The following CRPPA variants were observed in gnomAD, a reference collection of about 807,000 sequenced individuals.
CRPPA encodes the protein D-ribitol-5-phosphate cytidylyltransferase.
CRPPA carries 43 observed loss-of-function variants against 52.0 expected under a neutral mutation model. The ratio of observed to expected loss-of-function variants is 0.83; its 90% CI spans 0.65 to 1.07. CRPPA has a LOEUF of 1.07. CRPPA is among the 50% of genes least tolerant of loss of function. The pLI, the probability that CRPPA is intolerant of heterozygous loss-of-function variation, is 0.00. For missense variants in CRPPA, 629 were observed against 551.7 expected (o/e 1.14, Z -1.40); for synonymous variants, 250 against 203.5 (o/e 1.23, Z -1.94).
intron 5 of CRPPA, among the ~76,000 whole-genome samples, chr7:16,292,743 A>G (rs1001917727): frequency 1.3e-5 from 2 of 151,966 alleles, no homozygotes; most frequent in Non-Finnish European, 2.9e-5. Flanking sequence ...TGGTTTCATA[A>G]ATGTTCAATT....
intron 9 of CRPPA, among the ~76,000 whole-genome samples, chr7:16,158,516 G>A (rs1355844954): frequency 6.6e-6 from 1 of 151,874 alleles, no homozygotes; most frequent in African/African-American, 2.4e-5. Context: ...CTACCCACTG[G>A]ACTTTTACAC....
chr7:16,105,891 C>G (rs112368216), intron 9 of CRPPA, among the ~76,000 whole-genome samples: 36 of 152,228 alleles, frequency 2.4e-4, no homozygotes, highest in African/African-American at 8.2e-4. Context: ...CCCAATGACC[C>G]CATTCAGGAA....
chr7:16,260,630 C>G (rs1783769859), intron 6 of CRPPA, among the ~76,000 whole-genome samples: 2 of 151,920 alleles, frequency 1.3e-5, no homozygotes, highest in South Asian at 4.1e-4. Flanking sequence ...AGTCTCACAT[C>G]CTGCCAAGTT....
intron 9 of CRPPA, among the ~76,000 whole-genome samples, chr7:16,116,338 A>G (rs1782369903): frequency 1.3e-5 from 2 of 152,176 alleles, no homozygotes; most frequent in South Asian, 2.1e-4. Context: ...ACAAATCAGT[A>G]TTTGCCAAAA....
intron 9 of CRPPA, among the ~76,000 whole-genome samples, chr7:16,144,025 A>T (rs1027837954): frequency 2.6e-5 from 4 of 152,188 alleles, no homozygotes; most frequent in Admixed American, 2.6e-4. Context: ...CAAAGTGCCT[A>T]TGTAAAGCTT....
chr7:16,301,407 A>C lies in CRPPA; in HGVS notation c.835+14T>G. 6.2e-7 allele frequency: 1 copy of C among 1,608,666 alleles called. No homozygotes were observed. Among genetic ancestry groups the C allele is most frequent in the Non-Finnish European group, 8.5e-7 (1 of 1,175,842 alleles). On this transcript the variant is annotated intron_variant, in intron 5 of 9. Transcript: ENST00000407010. The stretch of plus-strand genomic sequence containing the variant: ...TTGAAACACAGGAACTGACAGTCAT[A>C]AGGCCAAACATACCCTTAATAATCG...
intron 9 of CRPPA, among the ~76,000 whole-genome samples, chr7:16,131,266 C>T (rs1306176826): frequency 6.6e-6 from 1 of 152,044 alleles, no homozygotes; most frequent in South Asian, 2.1e-4. Flanking sequence ...ATGAACAGAC[C>T]ATTAGAGGCA....
chr7:16,400,592 C>T (rs886241784), intron 2 of CRPPA, among the ~76,000 whole-genome samples: 8 of 152,252 alleles, frequency 5.3e-5, no homozygotes, highest in African/African-American at 1.4e-4. Context: ...ACAATTGACA[C>T]GATTGGCATG....
chr7:16,233,629 G>A (rs1782866772), intron 8 of CRPPA, among the ~76,000 whole-genome samples: 1 of 152,140 alleles, frequency 6.6e-6, no homozygotes, highest in Non-Finnish European at 1.5e-5. Flanking sequence ...GTACAATGAT[G>A]TATACCATCT....
At chr7:16,192,971 T>G (rs1339186791) in intron 9 of CRPPA, among the ~76,000 whole-genome samples, 1 of 152,172 alleles carries the variant, frequency 6.6e-6, no homozygotes, top group East Asian at 1.9e-4. Context: ...TACAAGTCTT[T>G]AAATCAGTTG....
Position 16,214,580 on chromosome 7 carries a change from C to A in CRPPA, c.1251+1486G>T, listed in dbSNP as rs184804513. 4.1e-4 allele frequency among the ~76,000 whole-genome samples: 63 copies of A among 152,166 alleles called. 1 individual carries two copies. The East Asian group carries it at 0.012, about 29-fold the overall frequency. On this transcript the variant is annotated intron_variant, in intron 9 of 9. Transcript: ENST00000407010. ...GGGCGGCAACCTCTGCTCACTGCAA[C>A]CTCCGCCTCCGCCTCCCAGATTCAA... is the stretch of plus-strand genomic sequence containing the variant.
chr7:16,402,598 CAGAA>C (rs1052099404), intron 2 of CRPPA, among the ~76,000 whole-genome samples: 2 of 151,534 alleles, frequency 1.3e-5, no homozygotes, highest in African/African-American at 4.8e-5. Flanking sequence ...AGATAAAAAA[CAGAA>C]AGGAGATTAA....
intron 6 of CRPPA, chr7:16,269,745 C>T (rs1784047722): frequency 6.6e-6 from 1 of 152,098 alleles, no homozygotes; most frequent in Non-Finnish European, 1.5e-5. Flanking sequence ...TTAGCTAAAG[C>T]TACTAGAACA....
chr7:16,283,074 T>G (rs898160543), intron 5 of CRPPA, among the ~76,000 whole-genome samples: 1 of 151,948 alleles, frequency 6.6e-6, no homozygotes, highest in African/African-American at 2.4e-5. Context: ...TGTCCAAAAG[T>G]GATTCTGATG....
chr7:16,349,896 C>G (rs1169642736), intron 3 of CRPPA, among the ~76,000 whole-genome samples: 2 of 151,884 alleles, frequency 1.3e-5, no homozygotes, highest in East Asian at 3.9e-4. Context: ...AAATCCAGAT[C>G]TAGGAAATCC....
chr7:16,233,280 AT>A (rs1457800473), intron 8 of CRPPA, among the ~76,000 whole-genome samples: 3 of 152,148 alleles, frequency 2.0e-5, no homozygotes, highest in Admixed American at 1.3e-4. Flanking sequence ...TGAATAATTA[AT>A]GCTGAAGACA....
At chr7:16,262,402 A>T (rs576850662) in intron 6 of CRPPA, among the ~76,000 whole-genome samples, 1 of 152,192 alleles carries the variant, frequency 6.6e-6, no homozygotes, top group Admixed American at 6.5e-5. Context: ...CTTTCATAAT[A>T]ATTTTGTTTC....
chr7:16,308,552 GTTTGGC>G lies in CRPPA; in HGVS notation c.754_759del (p.Ala252_Lys253del), dbSNP rs1370140363. ...CAGAGGTCAGGTGATCCTTCTACAA[GTTTGGC>G]TTTAGTGCAACAGTATTTTAGGGCC... On this transcript the variant is annotated inframe_deletion, in exon 4 of 10. Coordinates refer to ENST00000407010, the MANE Select transcript of CRPPA (RefSeq NM_001101426.4). 6.2e-7 allele frequency: 1 copy of G among 1,608,974 alleles called. No individual in the cohort carries two copies. Among genetic ancestry groups the G allele is most frequent in the African/African-American group, 1.3e-5 (1 of 74,836 alleles).
chr7:16,371,547 A>C lies in CRPPA; in HGVS notation c.684+4545T>G, dbSNP rs182179988. ...GGGGAAAAAAATAAATTAAAAAAAA[A>C]CCCACAGTCCAATCAAAAAATAAAT... On this transcript the variant is annotated intron_variant, in intron 3 of 9. Coordinates refer to ENST00000407010, the MANE Select transcript of CRPPA (RefSeq NM_001101426.4). Among the ~76,000 whole-genome samples, 321 of 152,222 alleles carry C rather than the reference A, an allele frequency of 2.1e-3. 2 individuals are homozygous for C. The highest frequency in any genetic ancestry group is 7.2e-3 in the African/African-American group (298 of 41,532).
Sources: gnomAD v4.1 joint callset for allele counts (sites outside exome capture counted in the v4.1 genomes callset) on GRCh38, gnomAD v4.1.1 for gene constraint, MANE v1.5 for transcripts, NCBI Gene and HGNC (gene_info 2026-07-23, HGNC 2026-07-21) for gene names.